GPC6: variants seen among roughly 807,000 people sequenced by gnomAD.
GPC6 encodes the protein glypican-6.
GPC6 carries 14 observed loss-of-function variants against 55.2 expected under a neutral mutation model. That is an observed-to-expected ratio of 0.25 (90% CI 0.17 to 0.40). GPC6 has a LOEUF of 0.40. Ranked by LOEUF, GPC6 falls within the 10% of genes least tolerant of loss-of-function variation. The probability of loss-of-function intolerance (pLI) is 1.00; values close to 1 mark genes in which losing one functional copy is unlikely to be tolerated. For synonymous variants in GPC6, 278 were observed against 259.6 expected (o/e 1.07, Z -0.68); for missense variants, 641 against 708.5 (o/e 0.90, Z 1.08).
intron 4 of GPC6, among the ~76,000 whole-genome samples, chr13:94,072,461 C>T (rs957848887): frequency 3.9e-5 from 6 of 152,154 alleles, no homozygotes; most frequent in African/African-American, 1.4e-4. Flanking sequence ...TCAAGCAATT[C>T]TTCTGCGTCA....
chr13:93,552,991 C>T (rs1203598558), intron 2 of GPC6, among the ~76,000 whole-genome samples: 1 of 152,130 alleles, frequency 6.6e-6, no homozygotes, highest in East Asian at 1.9e-4. Context: ...TTACAGCTCC[C>T]TGGAAACATT....
At chr13:93,376,677 G>A (rs2139198409) in intron 1 of GPC6, among the ~76,000 whole-genome samples, 1 of 151,874 alleles carries the variant, frequency 6.6e-6, no homozygotes, top group South Asian at 2.1e-4. Context: ...TGTGATTTTG[G>A]TTTGTATTCT....
chr13:94,026,522 A>G (rs997789803), intron 3 of GPC6, among the ~76,000 whole-genome samples: 2 of 152,046 alleles, frequency 1.3e-5, no homozygotes, highest in African/African-American at 4.8e-5. Context: ...TGACTAAAAT[A>G]TCAAAGTGAT....
intron 3 of GPC6, among the ~76,000 whole-genome samples, chr13:93,846,268 C>A (rs1888176425): frequency 6.6e-6 from 1 of 152,256 alleles, no homozygotes; most frequent in East Asian, 1.9e-4. Context: ...TACTTGCCAG[C>A]CACTATGCTA....
intron 4 of GPC6, among the ~76,000 whole-genome samples, chr13:94,042,526 C>T (rs192877610): frequency 7.5e-4 from 114 of 151,924 alleles, no homozygotes; most frequent in African/African-American, 2.7e-3. Context: ...TTAGTCTTCT[C>T]CAATCTGTGA....
At chr13:94,138,913 A>G (rs1887275006) in intron 4 of GPC6, among the ~76,000 whole-genome samples, 1 of 152,140 alleles carries the variant, frequency 6.6e-6, no homozygotes. Flanking sequence ...GTCTAGGGCA[A>G]TGGGCAGGAA....
intron 1 of GPC6, among the ~76,000 whole-genome samples, chr13:93,313,660 AT>A (rs898015325): frequency 1.0e-4 from 15 of 150,514 alleles, no homozygotes; most frequent in Admixed American, 2.0e-4. Flanking sequence ...CATGTAATAG[AT>A]TTTTTTTTTA....
At chr13:93,994,459 C>G (rs1881448128) in intron 3 of GPC6, among the ~76,000 whole-genome samples, 1 of 152,076 alleles carries the variant, frequency 6.6e-6, no homozygotes, top group African/African-American at 2.4e-5. Context: ...TTTGGTTTTG[C>G]CCTAATAGTT....
At chr13:94,274,135 A>T (rs942802815) in intron 4 of GPC6, among the ~76,000 whole-genome samples, 1 of 152,350 alleles carries the variant, frequency 6.6e-6, no homozygotes, top group South Asian at 2.1e-4. Flanking sequence ...AAAGAAGCCA[A>T]TGTCGGAAAA....
At chr13:94,323,966 A>G (rs1338332591) in intron 6 of GPC6, among the ~76,000 whole-genome samples, 4 of 152,146 alleles carry the variant, frequency 2.6e-5, no homozygotes, top group African/African-American at 9.7e-5. Context: ...TTTTCTCGGC[A>G]CATTTAGGAC....
intron 2 of GPC6, among the ~76,000 whole-genome samples, chr13:93,682,398 C>G (rs150685441): frequency 1.3e-5 from 2 of 152,064 alleles, no homozygotes; most frequent in African/African-American, 4.8e-5. Flanking sequence ...GACCCTTATG[C>G]GTACACACAA....
chr13:94,173,027 T>C (rs1888625893), intron 4 of GPC6, among the ~76,000 whole-genome samples: 2 of 152,150 alleles, frequency 1.3e-5, no homozygotes, highest in Non-Finnish European at 2.9e-5. Flanking sequence ...ATGAGATGTG[T>C]TGACTAGAAA....
In GPC6 at chr13:94,323,549, T is replaced by G. The variant is rs529629360; in HGVS notation, c.1152+17426T>G. Among the ~76,000 whole-genome samples the G allele has an allele frequency of 2.0e-5, 3 of 152,230 alleles. No individual in the cohort carries two copies. In the East Asian group the frequency reaches 5.8e-4, roughly 29 times the overall value. On this transcript the variant is annotated intron_variant, in intron 6 of 8. Transcript: ENST00000377047. ...ATGGGAGCTAAATAACGTGTGCATATGGACATAAAGTGTGGAGTAATAGGC... is the reference window on the plus strand; with the variant it reads ...ATGGGAGCTAAATAACGTGTGCATAGGGACATAAAGTGTGGAGTAATAGGC...
At chr13:93,238,838 C>T (rs770937066) in intron 1 of GPC6, among the ~76,000 whole-genome samples, 2 of 151,942 alleles carry the variant, frequency 1.3e-5, no homozygotes, top group African/African-American at 4.8e-5. Flanking sequence ...TCTTCATCTG[C>T]TAAAATGACC....
chr13:93,603,773 A>C (rs1878122903), intron 2 of GPC6, among the ~76,000 whole-genome samples: 1 of 152,242 alleles, frequency 6.6e-6, no homozygotes, highest in Non-Finnish European at 1.5e-5. Context: ...TCATTCTACA[A>C]GGGGGACACT....
At chr13:93,396,838 A>G (rs1224543387) in intron 1 of GPC6, among the ~76,000 whole-genome samples, 2 of 152,042 alleles carry the variant, frequency 1.3e-5, no homozygotes, top group African/African-American at 2.4e-5. Context: ...TCCCTTAACT[A>G]TTATTATTAT....
chr13:94,072,804 GT>G (rs1471671045), intron 4 of GPC6, among the ~76,000 whole-genome samples: 1 of 152,240 alleles, frequency 6.6e-6, no homozygotes, highest in Middle Eastern at 3.2e-3. Flanking sequence ...AAAGTGGCAT[GT>G]GCTTAATGTA....
intron 1 of GPC6, among the ~76,000 whole-genome samples, chr13:93,427,861 C>G (rs188068314): frequency 4.6e-5 from 7 of 152,268 alleles, no homozygotes; most frequent in Admixed American, 3.9e-4. Context: ...CACATGTATA[C>G]AGATACCTAC....
chr13:93,735,869 A>C (rs1883982987), intron 2 of GPC6, among the ~76,000 whole-genome samples: 1 of 152,208 alleles, frequency 6.6e-6, no homozygotes, highest in South Asian at 2.1e-4. Context: ...TTATTTGGCT[A>C]ATTAATTCTG....
Sources: allele counts gnomAD v4.1 joint callset (sites outside exome capture counted in the v4.1 genomes callset), GRCh38; gene constraint gnomAD v4.1.1; transcripts MANE v1.5; gene names NCBI Gene and HGNC (gene_info 2026-07-23, HGNC 2026-07-21).